Variants in PKNOX1 observed in about 807,000 individuals in gnomAD.
The protein encoded by PKNOX1 is PBX/knotted 1 homeobox 1.
PKNOX1 carries 15 observed loss-of-function variants against 51.9 expected under a neutral mutation model. The ratio of observed to expected loss-of-function variants is 0.29; its 90% confidence interval spans 0.19 to 0.45. The LOEUF (loss-of-function observed/expected upper bound fraction) is 0.45. Among genes scored for constraint, PKNOX1 ranks in the 20% least tolerant of loss-of-function variants. The pLI, the probability that PKNOX1 is intolerant of heterozygous loss-of-function variation, is 1.00. For missense variants in PKNOX1, 462 were observed against 547.5 expected (o/e 0.84, Z 1.56); for synonymous variants, 219 against 211.1 (o/e 1.04, Z -0.32).
intron 1 of PKNOX1, among the ~76,000 whole-genome samples, chr21:42,986,442 A>G (rs149094846): frequency 0.024 from 3,717 of 152,258 alleles, 59 homozygotes; most frequent in South Asian, 0.055. Context: ...TGAAGATTGC[A>G]GTGAGCCGAG....
chr21:42,982,036 A>T (rs2059029213), intron 1 of PKNOX1, among the ~76,000 whole-genome samples: 1 of 152,122 alleles, frequency 6.6e-6, no homozygotes, highest in African/African-American at 2.4e-5. Context: ...CTCCCCTCAC[A>T]GTGGGGGCTC....
At chr21:43,006,094 A>C (rs1404477378) in intron 2 of PKNOX1, among the ~76,000 whole-genome samples, 2 of 151,678 alleles carry the variant, frequency 1.3e-5, no homozygotes, top group Admixed American at 6.6e-5. Flanking sequence ...GAATCTTTTA[A>C]GGCTTCTTAT....
intron 1 of PKNOX1, among the ~76,000 whole-genome samples, chr21:42,975,048 GGGGCGGGGGCGCGCGGAGCCCGGCGC>G (rs2058985416): frequency 3.1e-4 from 2 of 6,418 alleles, no homozygotes; most frequent in African/African-American, 1.5e-3. Context: ...GCCCCGGCGC[GGGGCGGGGGCGCGCGGAGCCCGGCGC>G]GGGCGGGGCG....
At position 43,000,720 on chromosome 21, in the gene PKNOX1, C is replaced by G. The variant is rs562296861; in HGVS notation, c.-56-3606C>G. 3.9e-3 allele frequency among the ~76,000 whole-genome samples: 444 copies of G among 114,546 alleles called. 9 individuals carry two copies. Among genetic ancestry groups the G allele is most frequent in the Non-Finnish European group, 1.5e-3 (78 of 51,986 alleles). 75.1% of individuals were successfully genotyped at this position (114,546 alleles called of 152,430 possible). A position where few individuals can be genotyped will look rare whatever the true frequency, so the allele number is the denominator to read the frequency against. On this transcript the variant is annotated intron_variant, in intron 1 of 10. Coordinates refer to ENST00000291547, the MANE Select transcript of PKNOX1 (RefSeq NM_004571.5). ...TGAGCAATATAGCAAGACTTCATCT[C>G]TACAAAAAATTTAAAAAGCCAGCAT...
chr21:43,012,970 A>G, intron 4 of PKNOX1, 98 bp from the exon 5 acceptor site: 1 of 924,560 alleles, frequency 1.1e-6, no homozygotes, highest in Non-Finnish European at 1.6e-6. Flanking sequence ...GGCAGTAGAG[A>G]TGGTTCTATC....
At chr21:43,014,450 A>G (rs1313102571) in intron 5 of PKNOX1, among the ~76,000 whole-genome samples, 1 of 152,146 alleles carries the variant, frequency 6.6e-6, no homozygotes, top group Non-Finnish European at 1.5e-5. Flanking sequence ...TATAGTAGCT[A>G]AGTATTTTTC....
rs376051951 is a variant in PKNOX1, at chr21:43,026,130, G to T, written c.926+1183G>T. ...GGGTGGGCTGAAGTGGGAGGGATGC[G>T]TCTCTGGATGTGCTGGTGCCCCGTC... On this transcript the variant is annotated intron_variant, in intron 9 of 10. Transcript: ENST00000291547. Among the ~76,000 whole-genome samples the T allele has an allele frequency of 5.3e-5, 8 of 152,256 alleles. No individual in the cohort carries two copies. In the South Asian group the frequency reaches 6.2e-4, roughly 12 times the overall value.
intron 1 of PKNOX1, among the ~76,000 whole-genome samples, chr21:42,994,150 C>T (rs1308745602): frequency 6.8e-6 from 1 of 146,860 alleles, no homozygotes; most frequent in Non-Finnish European, 1.5e-5. Flanking sequence ...AAGTGATCCC[C>T]CTGCCTCAGC....
chr21:43,008,515 C>T (rs1979100576), intron 3 of PKNOX1, among the ~76,000 whole-genome samples: 2 of 152,236 alleles, frequency 1.3e-5, no homozygotes, highest in Non-Finnish European at 2.9e-5. Flanking sequence ...CAGTGGCTCA[C>T]ACCTGTAATC....
intron 8 of PKNOX1, among the ~76,000 whole-genome samples, chr21:43,022,050 T>A (rs1480921267): frequency 6.6e-6 from 1 of 152,204 alleles, no homozygotes; most frequent in Non-Finnish European, 1.5e-5. Context: ...GCTGCCAGCC[T>A]GCTGATCCAG....
intron 1 of PKNOX1, among the ~76,000 whole-genome samples, chr21:42,985,099 T>C (rs1213465526): frequency 6.9e-6 from 1 of 144,984 alleles, no homozygotes; most frequent in African/African-American, 2.5e-5. Flanking sequence ...GCGATTCTCC[T>C]GCCTCAGCCT....
At chr21:42,974,848 G>A (rs1270437157) in intron 1 of PKNOX1, among the ~76,000 whole-genome samples, 184 bp downstream of exon 1, 1 of 148,354 alleles carries the variant, frequency 6.7e-6, no homozygotes, top group African/African-American at 2.4e-5. Context: ...GGGAGGGGGC[G>A]CGGGTGGGGG....
At chr21:42,994,232 A>G (rs1323236129) in intron 1 of PKNOX1, among the ~76,000 whole-genome samples, 3 of 128,708 alleles carry the variant, frequency 2.3e-5, no homozygotes, top group African/African-American at 9.0e-5. Context: ...AGTAGAGATA[A>G]GGTCTCACTT....
chr21:43,021,313 A>G lies in PKNOX1; in HGVS notation c.731A>G (p.Gln244Arg), dbSNP rs759171410. The change falls in exon 8 of 11, where the codon CAG (glutamine) becomes CGG (arginine). Residue 244 changes from glutamine to arginine, a missense_variant. This residue lies in a region of PKNOX1 where 126 missense variants were observed against 128.1 expected (regional missense o/e 0.98). Transcript: ENST00000291547. The surrounding 1 kb of genome is among the most constrained non-coding windows in gnomAD (Gnocchi z 4.6). ...IRIQNSQLQL[Q>R]LNQDLSILHQ... ...TTTCAACTTTAAAAGCTTCAGTTAC[A>G]GTTAAACCAAGATCTCAGCATCTTG... 1 of 1,603,436 alleles carries G rather than the reference A, an allele frequency of 6.2e-7. No homozygotes were observed. Among genetic ancestry groups the G allele is most frequent in the Non-Finnish European group, 8.5e-7 (1 of 1,173,562 alleles).
chr21:42,989,928 G>C (rs981495435), intron 1 of PKNOX1, among the ~76,000 whole-genome samples: 2 of 151,998 alleles, frequency 1.3e-5, no homozygotes, highest in African/African-American at 4.8e-5. Flanking sequence ...GCAAAACCCT[G>C]TCTCTACAAA....
chr21:43,004,513 T>G, intron 2 of PKNOX1, 81 bp downstream of exon 2: 1 of 922,402 alleles, frequency 1.1e-6, no homozygotes, highest in South Asian at 1.3e-5. Flanking sequence ...ATACTTGCAA[T>G]TCAATTGCCA....
chr21:43,018,333 C>T (rs1979594276), intron 7 of PKNOX1, 103 bp downstream of exon 7: 1 of 690,010 alleles, frequency 1.4e-6, no homozygotes, highest in Non-Finnish European at 2.6e-6. Context: ...AGAGCTTTGT[C>T]TTGTGTAGCA....
At position 43,021,508 on chromosome 21, in the gene PKNOX1, G is replaced by T. The variant is rs1316665005; in HGVS notation, c.849+77G>T. On this transcript the variant is annotated intron_variant, in intron 8 of 10. Transcript: ENST00000291547. The surrounding 1 kb of genome is among the most constrained non-coding windows in gnomAD (Gnocchi z 4.6). The stretch of plus-strand genomic sequence containing the variant: ...CTCTGGCTTATGTGTCATGGAAAAG[G>T]GTTACTTCTCTGGGCTCAGAAAATC... The T allele has an allele frequency of 4.8e-6, 7 of 1,461,532 alleles. No homozygotes were observed. The highest frequency in any genetic ancestry group is 5.5e-6 in the Non-Finnish European group (6 of 1,089,946). The allele number at this position is 1,461,532 out of a possible 1,614,324, so 90.5% of individuals were successfully genotyped here.
chr21:43,028,887 G>T lies in PKNOX1; in HGVS notation c.1099+13G>T, dbSNP rs200661112. The T allele has an allele frequency of 1.2e-6, 2 of 1,613,384 alleles. No individual in the cohort carries two copies. Among genetic ancestry groups the T allele is most frequent in the Non-Finnish European group, 1.7e-6 (2 of 1,179,344 alleles). ...ACCATGTCGGAAGGTACAGGTGGCC[G>T]GCCAAGGCCAGACATGGTGGACCAT... On this transcript the variant is annotated intron_variant, in intron 10 of 10. Transcript: ENST00000291547.
Sources: gnomAD v4.1 joint callset for allele counts (sites outside exome capture counted in the v4.1 genomes callset) on GRCh38, gnomAD v4.1.1 for gene constraint, gnomAD v4.1.1 regional missense constraint, Gnocchi (gnomAD v3.1) non-coding constraint, MANE v1.5 for transcripts, NCBI Gene and HGNC (gene_info 2026-07-23, HGNC 2026-07-21) for gene names.